Variants in KCP observed in about 807,000 individuals in gnomAD.
KCP encodes kielin/chordin-like protein.
In KCP, 194 loss-of-function variants were observed where a neutral mutation model predicts 212.7. That is an observed-to-expected ratio of 0.91 (90% CI 0.81 to 1.03). The LOEUF (loss-of-function observed/expected upper bound fraction) is 1.03, where lower values mean the gene tolerates loss of function less well. Ranked by LOEUF, KCP falls within the 50% of genes least tolerant of loss-of-function variation. The probability of loss-of-function intolerance (pLI) is 0.00; values close to 1 mark genes in which losing one functional copy is unlikely to be tolerated. For missense variants in KCP, 2,080 were observed against 2,162.5 expected (o/e 0.96, Z 0.76); for synonymous variants, 833 against 865.3 (o/e 0.96, Z 0.65).
chr7:128,903,128 C>T, intron 7 of KCP: 1 of 521,556 alleles, frequency 1.9e-6, no homozygotes. Flanking sequence ...CCCCTCGTCA[C>T]CTCTCACACC....
intron 1 of KCP, among the ~76,000 whole-genome samples, chr7:128,909,742 C>T (rs371535884): frequency 9.2e-5 from 14 of 152,276 alleles, no homozygotes; most frequent in African/African-American, 3.4e-4. Context: ...TCACAAGCAC[C>T]GCCCACCTTT....
In KCP at chr7:128,891,538, G is replaced by A; in HGVS notation, c.1796-5C>T. 6.5e-7 allele frequency: 1 copy of A among 1,547,344 alleles called. No homozygotes were observed. The highest frequency in any genetic ancestry group is 8.7e-7 in the Non-Finnish European group (1 of 1,144,716). ...CTTTCCCGCCAAAGGCACAGCCTGGGGGAGGGAGGGGCTATAGCCTGGGAG... is the reference window on the plus strand; with the variant it reads ...CTTTCCCGCCAAAGGCACAGCCTGGAGGAGGGAGGGGCTATAGCCTGGGAG... On this transcript the variant is annotated splice_polypyrimidine_tract_variant and splice_region_variant and intron_variant, in intron 17 of 39. Coordinates refer to ENST00000610776, the MANE Select transcript of KCP (RefSeq NM_001366122.1).
intron 28 of KCP, 52 bp from the exon 29 acceptor site, chr7:128,884,174 T>G: frequency 6.7e-7 from 1 of 1,502,650 alleles, no homozygotes; most frequent in African/African-American, 1.4e-5. Flanking sequence ...AACCCAGAGC[T>G]GCCCTTGGCC....
At chr7:128,891,956 T>G in intron 16 of KCP, 137 bp from the exon 17 acceptor site, 1 of 616,814 alleles carries the variant, frequency 1.6e-6, no homozygotes, top group African/African-American at 1.9e-5. Flanking sequence ...CATGTGCACA[T>G]GTGTGCAGGC....
intron 28 of KCP, 117 bp from the exon 29 acceptor site, chr7:128,884,239 G>A: frequency 7.7e-7 from 1 of 1,304,458 alleles, no homozygotes; most frequent in Non-Finnish European, 1.0e-6. Context: ...ACATGTCTTG[G>A]GCCCTGAACT....
chr7:128,877,192 A>C lies in KCP; in HGVS notation c.4738T>G (p.Cys1580Gly), dbSNP rs1306994087. The C allele has an allele frequency of 6.7e-7, 1 of 1,485,210 alleles. No homozygotes were observed. The highest frequency in any genetic ancestry group is 1.4e-5 in the South Asian group (1 of 73,700). 92.0% of individuals were successfully genotyped at this position (1,485,210 alleles called of 1,614,324 possible). The change falls in exon 40 of 40, where the codon TGC becomes GGC. Residue 1580 changes from cysteine to glycine, a missense_variant. Physicochemically the swap from Cys to Gly is radical, Grantham distance 159. Transcript: ENST00000610776. ...GCAGGGCACTGGCAGCCGGGCACGCAGGGCCTCACGCAGTGGGCTGCCAGC... is the reference window on the plus strand; with the variant it reads ...GCAGGGCACTGGCAGCCGGGCACGCCGGGCCTCACGCAGTGGGCTGCCAGC... Reference protein sequence around the residue: ...GELAAHCVRPCVPGCQCPAGL... With the variant: ...GELAAHCVRPGVPGCQCPAGL...
chr7:128,892,836 G>C, intron 14 of KCP, 33 bp downstream of exon 14: 1 of 1,551,322 alleles, frequency 6.4e-7, no homozygotes. Context: ...GGTAATGCAG[G>C]GGAAGAAAGC....
rs1316181626 is a variant in KCP, at chr7:128,886,890, C to G, written c.2675G>C (p.Cys892Ser). Residue 892 changes from cysteine to serine, a missense_variant, in exon 24 of 40, where the codon TGC becomes TCC. Cys to Ser is a moderately radical substitution (Grantham distance 112). Coordinates refer to ENST00000610776, the MANE Select transcript of KCP (RefSeq NM_001366122.1). Reference protein sequence around the residue: ...CPHPSPGPCFCPVCHSCLSQG... With the variant: ...CPHPSPGPCFSPVCHSCLSQG... ...AGGCAGCTCACTGTGGCAAACAGGGCAGAAGCAGGGGCCTGGAGAGGGGTG... is the reference window on the plus strand; with the variant it reads ...AGGCAGCTCACTGTGGCAAACAGGGGAGAAGCAGGGGCCTGGAGAGGGGTG... 2.0e-6 allele frequency: 3 copies of G among 1,525,710 alleles called. No homozygotes were observed. The African/African-American group carries it at 4.2e-5, about 21-fold the overall frequency. The allele number at this position is 1,525,710 out of a possible 1,614,324, so 94.5% of individuals were successfully genotyped here. A position where few individuals can be genotyped will look rare whatever the true frequency, so the allele number is the denominator to read the frequency against.
In KCP at chr7:128,884,853, A is replaced by G. The variant is rs1793547776; in HGVS notation, c.3051T>C (p.His1017=). 2 of 1,550,734 alleles carry G rather than the reference A, an allele frequency of 1.3e-6. No homozygotes were observed. Among genetic ancestry groups the G allele is most frequent in the African/African-American group, 1.4e-5 (1 of 73,008 alleles). ...DCCPQCSDCE[H]EGRKYEPGES... is the part of the protein sequence containing the mutation. ...CCCCAGGCTCGTACTTCCGGCCCTCATGCTCACAGTCTTTGGGGTGGAGTG... is the reference window on the plus strand; with the variant it reads ...CCCCAGGCTCGTACTTCCGGCCCTCGTGCTCACAGTCTTTGGGGTGGAGTG... Residue 1017 remains histidine (H), a synonymous_variant, in exon 28 of 40, where the codon CAT becomes CAC. Coordinates refer to ENST00000610776, the MANE Select transcript of KCP (RefSeq NM_001366122.1).
In KCP at chr7:128,880,462, G is replaced by T; in HGVS notation, c.3683C>A (p.Thr1228Asn). The T allele has an allele frequency of 6.5e-7, 1 of 1,547,304 alleles. No individual in the cohort carries two copies. The change falls in exon 34 of 40, where the codon ACC becomes AAC. Residue 1228 changes from threonine to asparagine, a missense_variant. Physicochemically the swap from Thr to Asn is moderately conservative, Grantham distance 65. Transcript: ENST00000610776. ...VASGERWTVDTCTSCSCMAGT... is the reference protein window; with the variant it reads ...VASGERWTVDNCTSCSCMAGT... ...CGCCATGCAGGAGCAGCTGGTGCAG[G>T]TGTCCACAGTCCAGCGCTCTCCAGA... is the stretch of plus-strand genomic sequence containing the variant.
At position 128,884,948 on chromosome 7, in the gene KCP, TC is replaced by T; in HGVS notation, c.3041-86del. On this transcript the variant is annotated intron_variant, in intron 27 of 39. Transcript: ENST00000610776. Reference sequence around the variant, plus strand: ...GGGGTGGAGTCCTCTATCTCCAGCCTCCCCCTGATCCCAGGGAGTGGAGTGT... The same window carrying T: ...GGGGTGGAGTCCTCTATCTCCAGCCTCCCCTGATCCCAGGGAGTGGAGTGT... 4 of 1,473,470 alleles carry T rather than the reference TC, an allele frequency of 2.7e-6. No individual in the cohort carries two copies. The Admixed American group carries it at 5.9e-5, about 22-fold the overall frequency. The allele number at this position is 1,473,470 out of a possible 1,614,324, so 91.3% of individuals were successfully genotyped here.
intron 21 of KCP, among the ~76,000 whole-genome samples, chr7:128,889,277 T>G (rs1037179500): frequency 6.6e-6 from 1 of 152,136 alleles, no homozygotes; most frequent in Non-Finnish European, 1.5e-5. Context: ...CTGTTTAATT[T>G]GTAGAAAAAC....
intron 8 of KCP, among the ~76,000 whole-genome samples, chr7:128,899,039 C>T (rs115003238): frequency 4.6e-5 from 7 of 152,092 alleles, no homozygotes; most frequent in African/African-American, 7.2e-5. Flanking sequence ...ATAATGCACC[C>T]GTGCAACAGT....
In KCP at chr7:128,891,645, C is replaced by G. The variant is rs1164002478; in HGVS notation, c.1795+1G>C. 6.8e-7 allele frequency: 1 copy of G among 1,468,016 alleles called. No homozygotes were observed. The highest frequency in any genetic ancestry group is 2.5e-5 in the Admixed American group (1 of 40,044). The allele number at this position is 1,468,016 out of a possible 1,614,324, so 90.9% of individuals were successfully genotyped here. A position where few individuals can be genotyped will look rare whatever the true frequency, so the allele number is the denominator to read the frequency against. On this transcript the variant is annotated splice_donor_variant, in intron 17 of 39. Coordinates refer to ENST00000610776, the MANE Select transcript of KCP (RefSeq NM_001366122.1). LOFTEE classifies it high-confidence loss of function. Reference sequence around the variant, plus strand: ...AGGCCGCCCTGACCCGCCCACCTCACCGCTGCAGTCGTTCGGGCAGCAGGT... The same window carrying G: ...AGGCCGCCCTGACCCGCCCACCTCAGCGCTGCAGTCGTTCGGGCAGCAGGT...
At chr7:128,906,835 G>A (rs1016578349) in intron 4 of KCP, among the ~76,000 whole-genome samples, 4 of 150,572 alleles carry the variant, frequency 2.7e-5, no homozygotes, top group East Asian at 2.0e-4. Flanking sequence ...GTCAAAAACC[G>A]CAATTACTTT....
rs548200390 is a variant in KCP at position 128,910,253 on chromosome 7, G to A, written c.76+348C>T. On this transcript the variant is annotated intron_variant, in intron 1 of 39. Transcript: ENST00000610776. Reference sequence around the variant, plus strand: ...ATTCCCGCCTGTCCTGCTCCGGGGAGGGCCAGACACAGATGCAAAGTCAGC... The same window carrying A: ...ATTCCCGCCTGTCCTGCTCCGGGGAAGGCCAGACACAGATGCAAAGTCAGC... Among the ~76,000 whole-genome samples, 231 of 152,296 alleles carry A rather than the reference G, an allele frequency of 1.5e-3. 2 individuals are homozygous for A. Among genetic ancestry groups the A allele is most frequent in the African/African-American group, 5.4e-3 (224 of 41,556 alleles).
Position 128,891,105 on chromosome 7 carries a change from A to G in KCP, c.1973-9T>C, listed in dbSNP as rs1026846611. 6.1e-6 allele frequency: 9 copies of G among 1,468,390 alleles called. No individual in the cohort carries two copies. The highest frequency in any genetic ancestry group is 2.7e-5 in the South Asian group (2 of 75,044). 91.0% of individuals were successfully genotyped at this position (1,468,390 alleles called of 1,614,324 possible). On this transcript the variant is annotated splice_polypyrimidine_tract_variant and intron_variant, in intron 19 of 39. Coordinates refer to ENST00000610776, the MANE Select transcript of KCP (RefSeq NM_001366122.1). ...GGCGGGGGCTGGGGCGGCTGCGGCGAGACAGCGCATCAAAGGGGCCCAGGA... is the reference window on the plus strand; with the variant it reads ...GGCGGGGGCTGGGGCGGCTGCGGCGGGACAGCGCATCAAAGGGGCCCAGGA...
chr7:128,908,968 TG>T (rs77705898), intron 1 of KCP, among the ~76,000 whole-genome samples: 39,244 of 151,954 alleles, frequency 0.26, 6,591 homozygotes, highest in East Asian at 0.55. Context: ...GCTCCCACAT[TG>T]GGTGGGGTGG....
Position 128,885,106 on chromosome 7 carries a change from G to A in KCP, c.3031C>T (p.Gln1011Ter), listed in dbSNP as rs1322098853. ...CCCAGGCTTCCAGTACCAGAGCATT[G>A]AGGACAGCAGTCATGGGGCCCTTGG... Reference protein sequence around the residue: ...PRQGPHDCCPQCSDCEHEGRK... With the variant: ...PRQGPHDCCP The change falls in exon 27 of 40, where the codon CAA (glutamine) becomes TAA (stop). Residue 1011 changes from glutamine to a stop codon, truncating the protein, a stop_gained. Transcript: ENST00000610776. LOFTEE classifies it high-confidence loss of function. 2 of 1,550,784 alleles carry A rather than the reference G, an allele frequency of 1.3e-6. No individual in the cohort carries two copies. Among genetic ancestry groups the A allele is most frequent in the Middle Eastern group, 1.7e-4 (1 of 5,964 alleles).
Sources: gnomAD v4.1 joint callset for allele counts (sites outside exome capture counted in the v4.1 genomes callset) on GRCh38, gnomAD v4.1.1 for gene constraint, MANE v1.5 for transcripts, NCBI Gene and HGNC (gene_info 2026-07-23, HGNC 2026-07-21) for gene names.